ZNF708: variants seen among roughly 807,000 people sequenced by gnomAD.
ZNF708 encodes the protein ZNF15, ZNF15L1.
ZNF708 carries 44 observed loss-of-function variants against 47.0 expected under a neutral mutation model. The ratio of observed to expected loss-of-function variants is 0.94; its 90% CI spans 0.74 to 1.20. ZNF708 has a LOEUF of 1.20. Among genes scored for constraint, ZNF708 ranks in the 50% most tolerant of loss-of-function variants. The pLI is 0.00. For missense variants in ZNF708, 557 were observed against 656.0 expected (o/e 0.85, Z 1.65); for synonymous variants, 184 against 218.5 (o/e 0.84, Z 1.39).
intron 1 of ZNF708, among the ~76,000 whole-genome samples, chr19:21,323,505 T>C (rs1423871152): frequency 6.6e-6 from 1 of 152,204 alleles, no homozygotes; most frequent in East Asian, 1.9e-4. Flanking sequence ...TCTTGTTTGT[T>C]CCTCCTTAGG....
intron 3 of ZNF708, among the ~76,000 whole-genome samples, chr19:21,307,182 C>T (rs529406523): frequency 7.0e-6 from 1 of 142,402 alleles, no homozygotes; most frequent in Non-Finnish European, 1.6e-5. Flanking sequence ...AAATAAAATA[C>T]AATAAAATAC....
chr19:21,326,488 T>C (rs1032665502), intron 1 of ZNF708, among the ~76,000 whole-genome samples: 3 of 152,160 alleles, frequency 2.0e-5, no homozygotes, highest in African/African-American at 7.2e-5. Context: ...TATGTTCTGT[T>C]ATGTGGGAGC....
chr19:21,294,335 G>C lies in ZNF708; in HGVS notation c.631C>G (p.Leu211Val). The C allele has an allele frequency of 2.5e-6, 4 of 1,613,364 alleles. No individual in the cohort carries two copies. The South Asian group carries it at 3.3e-5, about 13-fold the overall frequency. ...GTATGAATTATCTTATGATTCGTAAGGTTTGAGGACTTTTTAAAAGCTTTG... is the reference window on the plus strand; with the variant it reads ...GTATGAATTATCTTATGATTCGTAACGTTTGAGGACTTTTTAAAAGCTTTG... ...CGKAFKKSSN[L>V]TNHKIIHTGE... The change falls in exon 4 of 4, where the codon CTT becomes GTT. Residue 211 changes from leucine to valine, a missense_variant. Leu to Val is a conservative substitution (Grantham distance 32). Transcript: ENST00000356929.
chr19:21,305,564 T>C (rs1239512221), intron 3 of ZNF708, among the ~76,000 whole-genome samples: 2 of 151,668 alleles, frequency 1.3e-5, no homozygotes, highest in South Asian at 2.1e-4. Context: ...ATTCAAGTGA[T>C]TCTCCTGCCT....
chr19:21,329,261 A>G lies in ZNF708; in HGVS notation c.-49T>C. 6.2e-7 allele frequency: 1 copy of G among 1,608,134 alleles called. No homozygotes were observed. The highest frequency in any genetic ancestry group is 8.5e-7 in the Non-Finnish European group (1 of 1,176,070). On this transcript the variant is annotated 5_prime_UTR_variant, in exon 1 of 4. Transcript: ENST00000356929. ...GAGTCTTAGCTGTGGATCTCCCAAT[A>G]CCTGCAGGTCACAGAGCCACAGAGT...
At chr19:21,320,816 T>C (rs1973115356) in intron 1 of ZNF708, among the ~76,000 whole-genome samples, 1 of 142,806 alleles carries the variant, frequency 7.0e-6, no homozygotes, top group African/African-American at 2.6e-5. Context: ...TGCAGCAACA[T>C]GGATAGAGCT....
intron 3 of ZNF708, among the ~76,000 whole-genome samples, chr19:21,300,879 C>G (rs1304548700): frequency 6.6e-6 from 1 of 151,870 alleles, no homozygotes; most frequent in Non-Finnish European, 1.5e-5. Flanking sequence ...CCAGGATGGT[C>G]TCTAACTCCT....
intron 1 of ZNF708, among the ~76,000 whole-genome samples, chr19:21,327,073 A>T (rs1309156984): frequency 6.6e-6 from 1 of 152,122 alleles, no homozygotes; most frequent in East Asian, 1.9e-4. Context: ...ATTAATATTA[A>T]TTTTTTCTGA....
At position 21,294,087 on chromosome 19, in the gene ZNF708, T is replaced by C. The variant is rs367822246; in HGVS notation, c.879A>G (p.Ser293=). ...GAATTTTCTTGTGATTAGTAAGGTT[T>C]GAGGACTGTTTAAAAGCTTTGCCAC... ...EECGKAFKQS[S]NLTNHKKIHT... The change falls in exon 4 of 4, where the codon TCA becomes TCG. Residue 293 remains serine, a synonymous_variant. Coordinates refer to ENST00000356929, the MANE Select transcript of ZNF708 (RefSeq NM_021269.3). 157 of 1,613,524 alleles carry C rather than the reference T, an allele frequency of 9.7e-5. No individual in the cohort carries two copies. Among genetic ancestry groups the C allele is most frequent in the Middle Eastern group, 3.3e-4 (2 of 6,080 alleles).
At chr19:21,312,547 C>A (rs912577797) in intron 1 of ZNF708, among the ~76,000 whole-genome samples, 5 of 152,160 alleles carry the variant, frequency 3.3e-5, no homozygotes, top group Non-Finnish European at 5.9e-5. Flanking sequence ...GAGATTTCTG[C>A]AAACTGGCTG....
intron 1 of ZNF708, among the ~76,000 whole-genome samples, chr19:21,312,248 T>C (rs546649041): frequency 4.6e-4 from 70 of 151,462 alleles, no homozygotes; most frequent in African/African-American, 1.7e-3. Flanking sequence ...TGAGCTGAGA[T>C]CGCGCCACTG....
At chr19:21,315,603 T>C (rs1972984995) in intron 1 of ZNF708, among the ~76,000 whole-genome samples, 2 of 152,090 alleles carry the variant, frequency 1.3e-5, no homozygotes, top group African/African-American at 4.8e-5. Context: ...TCAAGTTGCC[T>C]GGAATATATA....
intron 2 of ZNF708, 112 bp downstream of exon 2, chr19:21,310,389 G>A (rs1972871588): frequency 2.6e-6 from 1 of 387,294 alleles, no homozygotes; most frequent in African/African-American, 2.2e-5. Context: ...AGGTTGCAAT[G>A]AGCCAAGATT....
chr19:21,300,576 C>T (rs1028988784), intron 3 of ZNF708, among the ~76,000 whole-genome samples: 2 of 150,512 alleles, frequency 1.3e-5, no homozygotes, highest in Non-Finnish European at 2.9e-5. Flanking sequence ...TGGCAGTAGA[C>T]ATATGGCTGA....
At chr19:21,294,876 A>G in intron 3 of ZNF708, 137 bp from the exon 4 acceptor site, 1 of 884,358 alleles carries the variant, frequency 1.1e-6, no homozygotes. Context: ...AGACATATAA[A>G]TGTAACAAAA....
chr19:21,301,668 G>A (rs552091618), intron 3 of ZNF708, among the ~76,000 whole-genome samples: 17 of 151,434 alleles, frequency 1.1e-4, no homozygotes, highest in Non-Finnish European at 2.4e-4. Flanking sequence ...ATGGTGGCAC[G>A]TGCCTGTAAT....
At chr19:21,296,777 C>T (rs769064300) in intron 3 of ZNF708, among the ~76,000 whole-genome samples, 44 of 151,664 alleles carry the variant, frequency 2.9e-4, no homozygotes, top group Non-Finnish European at 2.8e-4. Flanking sequence ...TAATTTTTCT[C>T]TAAAATTTAA....
intron 1 of ZNF708, among the ~76,000 whole-genome samples, chr19:21,320,302 A>G (rs1192831996): frequency 6.6e-6 from 1 of 152,250 alleles, no homozygotes; most frequent in East Asian, 1.9e-4. Context: ...AAAGACACAC[A>G]CATGCACATG....
chr19:21,323,384 C>G (rs2145187654), intron 1 of ZNF708, among the ~76,000 whole-genome samples: 1 of 152,258 alleles, frequency 6.6e-6, no homozygotes, highest in Non-Finnish European at 1.5e-5. Context: ...CTTTACAAAC[C>G]CATTTTATGT....
Sources: allele counts gnomAD v4.1 joint callset (sites outside exome capture counted in the v4.1 genomes callset), GRCh38; gene constraint gnomAD v4.1.1; transcripts MANE v1.5; gene names NCBI Gene and HGNC (gene_info 2026-07-23, HGNC 2026-07-21).